The following RFC3 variants were observed in gnomAD, a reference collection of about 807,000 sequenced individuals.
RFC3 encodes the protein replication factor C subunit 3, also known as A1 38 kDa subunit.
A neutral mutation model predicts 45.1 loss-of-function variants in RFC3; 41 were observed. That is an observed-to-expected ratio of 0.91 (90% CI 0.71 to 1.18). The LOEUF is 1.18. RFC3 is among the 50% of genes most tolerant of loss of function. The probability of loss-of-function intolerance (pLI) is 0.00; values close to 1 mark genes in which losing one functional copy is unlikely to be tolerated. For missense variants in RFC3, 423 were observed against 428.1 expected (o/e 0.99, Z 0.10); for synonymous variants, 149 against 144.0 (o/e 1.03, Z -0.25).
intron 8 of RFC3, among the ~76,000 whole-genome samples, chr13:33,922,926 A>G (rs2082778717): frequency 1.3e-5 from 2 of 152,168 alleles, no homozygotes; most frequent in South Asian, 2.1e-4. Flanking sequence ...ATGTAAAGCC[A>G]TTAGTATTGC....
chr13:33,841,052 T>C (rs2082194654), downstream of RFC3, among the ~76,000 whole-genome samples: 1 of 152,180 alleles, frequency 6.6e-6, no homozygotes, highest in Non-Finnish European at 1.5e-5. Flanking sequence ...TATTACCACC[T>C]GAGCTCCACC....
intron 7 of RFC3, 41 bp from the exon 8 acceptor site, chr13:33,835,107 T>G: frequency 7.3e-7 from 1 of 1,373,084 alleles, no homozygotes; most frequent in African/African-American, 1.4e-5. Context: ...AAATTACCTC[T>G]TATTTTCTTC....
intron 8 of RFC3, among the ~76,000 whole-genome samples, chr13:33,897,526 C>T (rs937186611): frequency 2.0e-5 from 3 of 151,578 alleles, no homozygotes; most frequent in Admixed American, 1.3e-4. Context: ...TAGAAAACAA[C>T]CAGAAAATAA....
At chr13:33,976,542 T>C in the RFC3 span, among the ~76,000 whole-genome samples, 581 of 152,304 alleles carry the variant, frequency 3.8e-3, 3 homozygotes, top group African/African-American at 0.013. Context: ...TATTTTATAC[T>C]TTAAAGTAGC....
In RFC3 at chr13:33,820,694, G is replaced by T. The variant is rs376700234; in HGVS notation, c.88-438G>T. Among the ~76,000 whole-genome samples the T allele has an allele frequency of 5.9e-5, 9 of 152,256 alleles. No homozygotes were observed. In the South Asian group the frequency reaches 1.9e-3, roughly 32 times the overall value. ...TTTCTAATAGTCCGAAGTAAGAAAG[G>T]CCTGAATCTCAGAGTTACAGAATCC... On this transcript the variant is annotated intron_variant, in intron 1 of 8. Coordinates refer to ENST00000380071, the MANE Select transcript of RFC3 (RefSeq NM_002915.4).
downstream of RFC3, among the ~76,000 whole-genome samples, chr13:33,969,382 A>G (rs2137882443): frequency 1.3e-5 from 2 of 152,360 alleles, no homozygotes; most frequent in African/African-American, 4.8e-5. Context: ...TTTCCTACAG[A>G]AACTGGGAGC....
intron 8 of RFC3, among the ~76,000 whole-genome samples, chr13:33,894,776 T>C (rs2082586556): frequency 6.6e-6 from 1 of 151,858 alleles, no homozygotes; most frequent in Non-Finnish European, 1.5e-5. Flanking sequence ...GTGAGAATAA[T>C]CAAAACAGCA....
At chr13:33,935,820 A>G (rs1416127009) in intron 8 of RFC3, among the ~76,000 whole-genome samples, 1 of 152,200 alleles carries the variant, frequency 6.6e-6, no homozygotes, top group African/African-American at 2.4e-5. Context: ...CCAATCAACA[A>G]TGTCTTAAGA....
intron 8 of RFC3, among the ~76,000 whole-genome samples, chr13:33,943,891 A>G (rs2082939291): frequency 6.6e-6 from 1 of 152,186 alleles, no homozygotes; most frequent in Non-Finnish European, 1.5e-5. Context: ...GGGCAGAAGC[A>G]AGCTTTCAAG....
At chr13:33,898,921 CTG>C (rs1161976798) in intron 8 of RFC3, among the ~76,000 whole-genome samples, 1 of 151,602 alleles carries the variant, frequency 6.6e-6, no homozygotes, top group East Asian at 1.9e-4. Flanking sequence ...AAATAAATTC[CTG>C]AACACATACA....
chr13:33,876,923 G>T (rs992730635), intron 8 of RFC3, among the ~76,000 whole-genome samples: 1 of 152,024 alleles, frequency 6.6e-6, no homozygotes, highest in African/African-American at 2.4e-5. Flanking sequence ...TGCGCTTTTC[G>T]CAAAAAAGCC....
intron 8 of RFC3, among the ~76,000 whole-genome samples, chr13:33,872,047 T>C (rs2137568618): frequency 6.6e-6 from 1 of 152,344 alleles, no homozygotes. Context: ...CATTTGTTTC[T>C]TCAATTTTTT....
At chr13:33,850,918 A>G (rs962952361) in intron 8 of RFC3, 2 of 152,146 alleles carry the variant, frequency 1.3e-5, no homozygotes, top group African/African-American at 2.4e-5. Flanking sequence ...AACTAAGACA[A>G]TTCTTCTGTG....
intron 8 of RFC3, among the ~76,000 whole-genome samples, chr13:33,909,763 G>T (rs1217180035): frequency 1.3e-5 from 2 of 152,036 alleles, no homozygotes; most frequent in East Asian, 1.9e-4. Context: ...TGTACCTGAG[G>T]ACTTGGTAAC....
chr13:33,934,453 G>C (rs545012296), intron 8 of RFC3, among the ~76,000 whole-genome samples: 2 of 152,262 alleles, frequency 1.3e-5, no homozygotes, highest in South Asian at 4.1e-4. Context: ...GAAATGCTTA[G>C]AGGGCTTTCC....
chr13:33,872,531 C>T (rs1193055689), intron 8 of RFC3, among the ~76,000 whole-genome samples: 2 of 152,076 alleles, frequency 1.3e-5, no homozygotes, highest in Admixed American at 6.6e-5. Context: ...GTCGGGAGTT[C>T]GAGACCAGCC....
At chr13:33,875,693 C>T (rs1306103132) in intron 8 of RFC3, among the ~76,000 whole-genome samples, 3 of 152,114 alleles carry the variant, frequency 2.0e-5, no homozygotes, top group South Asian at 2.1e-4. Flanking sequence ...TTTCAAGGCT[C>T]GGGGGCCCTC....
chr13:33,889,079 A>G (rs1035857408), intron 8 of RFC3, among the ~76,000 whole-genome samples: 1 of 152,200 alleles, frequency 6.6e-6, no homozygotes, highest in East Asian at 1.9e-4. Context: ...TTACAAGATC[A>G]TACTTTCTTC....
At chr13:33,896,685 C>CT (rs1258908516) in intron 8 of RFC3, among the ~76,000 whole-genome samples, 1 of 123,662 alleles carries the variant, frequency 8.1e-6, no homozygotes, top group East Asian at 2.6e-4. Flanking sequence ...GCACTCCAGC[C>CT]TGGGCAACAG....
Sources: allele counts gnomAD v4.1 joint callset (sites outside exome capture counted in the v4.1 genomes callset), GRCh38; gene constraint gnomAD v4.1.1; transcripts MANE v1.5; gene names NCBI Gene and HGNC (gene_info 2026-07-23, HGNC 2026-07-21).